Variants in SEMA3A observed in about 807,000 individuals in gnomAD.
SEMA3A encodes the protein semaphorin 3A.
In SEMA3A, 29 loss-of-function variants were observed where a neutral mutation model predicts 97.9. The observed-to-expected ratio is 0.30, with a 90% CI of 0.22 to 0.40. SEMA3A has a LOEUF of 0.40. Among genes scored for constraint, SEMA3A ranks in the 10% least tolerant of loss-of-function variants. The pLI is 1.00. For synonymous variants in SEMA3A, 321 were observed against 323.7 expected, an observed-to-expected ratio of 0.99 and a Z score of 0.09; for missense variants, 763 against 951.3, an observed-to-expected ratio of 0.80 and a Z score of 2.60.
At chr7:84,249,358 C>CTGTCTATCA (rs1222407634) in intron 3 of SEMA3A, among the ~76,000 whole-genome samples, 52 of 133,230 alleles carry the variant, frequency 3.9e-4, no homozygotes, top group African/African-American at 1.3e-3. Flanking sequence ...CTCTCTCTCT[C>CTGTCTATCA]TCTGTCTATC....
chr7:84,376,850 TTATGTATGTATG>T (rs144265483), intron 1 of SEMA3A, among the ~76,000 whole-genome samples: 4 of 151,270 alleles, frequency 2.6e-5, no homozygotes, highest in East Asian at 1.9e-4. Flanking sequence ...AGATTTATTT[TTATGTATGTATG>T]TATGTATGTA....
At chr7:84,409,332 T>G (rs1804197834) in intron 1 of SEMA3A, among the ~76,000 whole-genome samples, 1 of 151,842 alleles carries the variant, frequency 6.6e-6, no homozygotes, top group South Asian at 2.1e-4. Context: ...ATGAATCAAT[T>G]TTTTAAAATA....
chr7:84,473,141 G>GCTGTGTGTGTGT (rs138607418), intron 1 of SEMA3A, among the ~76,000 whole-genome samples: 1 of 141,444 alleles, frequency 7.1e-6, no homozygotes, highest in East Asian at 2.1e-4. Flanking sequence ...AAAAAGAAAT[G>GCTGTGTGTGTGT]GTGTGTGTGT....
chr7:84,401,145 T>G (rs187311588), intron 1 of SEMA3A, among the ~76,000 whole-genome samples: 1 of 152,158 alleles, frequency 6.6e-6, no homozygotes, highest in Non-Finnish European at 1.5e-5. Context: ...AAGACTGTTA[T>G]GGCTGATAAA....
chr7:84,180,971 G>T (rs1016621719), intron 1 of SEMA3A, among the ~76,000 whole-genome samples: 1 of 151,902 alleles, frequency 6.6e-6, no homozygotes, highest in South Asian at 2.1e-4. Flanking sequence ...ATTAAAATAA[G>T]CAAAATTTTA....
intron 11 of SEMA3A, among the ~76,000 whole-genome samples, chr7:84,002,893 T>A (rs1377977518): frequency 6.6e-6 from 1 of 152,160 alleles, no homozygotes; most frequent in African/African-American, 2.4e-5. Context: ...TTACTCTAAG[T>A]TGGGCTTAAA....
intron 4 of SEMA3A, among the ~76,000 whole-genome samples, chr7:84,107,896 G>A (rs1222609544): frequency 2.6e-5 from 4 of 152,014 alleles, no homozygotes; most frequent in African/African-American, 9.7e-5. Flanking sequence ...AGAATCACCC[G>A]GCAGCCATGA....
At chr7:84,468,301 C>A (rs368165411) in intron 1 of SEMA3A, among the ~76,000 whole-genome samples, 17 of 152,276 alleles carry the variant, frequency 1.1e-4, no homozygotes, top group East Asian at 9.7e-4. Flanking sequence ...CCCCATCTTC[C>A]TAAGACCTAG....
chr7:84,029,408 G>A (rs1403830820), intron 6 of SEMA3A, among the ~76,000 whole-genome samples: 1 of 152,088 alleles, frequency 6.6e-6, no homozygotes, highest in Non-Finnish European at 1.5e-5. Context: ...TAATGATTTA[G>A]AGATTTGTAT....
At chr7:84,356,965 T>TA (rs1268718330) in intron 2 of SEMA3A, among the ~76,000 whole-genome samples, 8 of 151,400 alleles carry the variant, frequency 5.3e-5, no homozygotes, top group East Asian at 1.9e-4. Flanking sequence ...TGCTGCAAGT[T>TA]AAAAAAAAGT....
chr7:84,479,083 T>C (rs1284732023), intron 1 of SEMA3A, among the ~76,000 whole-genome samples: 1 of 152,164 alleles, frequency 6.6e-6, no homozygotes. Context: ...CAAGTGTTCT[T>C]TTTCAAAATA....
At chr7:84,312,919 T>TACAC (rs1169125442) in intron 2 of SEMA3A, among the ~76,000 whole-genome samples, 23 of 31,066 alleles carry the variant, frequency 7.4e-4, no homozygotes, top group African/African-American at 9.3e-4. Flanking sequence ...TATATATATA[T>TACAC]ATACACACAC....
chr7:84,102,020 T>G (rs1794972418), intron 4 of SEMA3A, among the ~76,000 whole-genome samples: 1 of 152,128 alleles, frequency 6.6e-6, no homozygotes, highest in Admixed American at 6.5e-5. Context: ...TTTATTCCTT[T>G]TAATATAGCT....
chr7:84,053,811 T>C lies in SEMA3A; in HGVS notation c.547+6654A>G, dbSNP rs1161161067. Reference sequence around the variant, plus strand: ...TGATGGAGTTTCTTCCTAGTCTCAATGGTCTTTACATTTTGGCATGATTTT... The same window carrying C: ...TGATGGAGTTTCTTCCTAGTCTCAACGGTCTTTACATTTTGGCATGATTTT... On this transcript the variant is annotated intron_variant, in intron 5 of 16. Coordinates refer to ENST00000265362, the MANE Select transcript of SEMA3A (RefSeq NM_006080.3). Among the ~76,000 whole-genome samples, 718 of 128,950 alleles carry C rather than the reference T, an allele frequency of 5.6e-3. 4 individuals carry two copies. Among genetic ancestry groups the C allele is most frequent in the Non-Finnish European group, 9.0e-3 (515 of 57,364 alleles). The allele number at this position is 128,950 out of a possible 152,430, so 84.6% of individuals were successfully genotyped here. A position where few individuals can be genotyped will look rare whatever the true frequency, so the allele number is the denominator to read the frequency against.
At chr7:83,982,984 A>C (rs1403768111) in intron 13 of SEMA3A, among the ~76,000 whole-genome samples, 1 of 152,044 alleles carries the variant, frequency 6.6e-6, no homozygotes. Context: ...GGAAACATTT[A>C]TCTTCATTAA....
intron 12 of SEMA3A, among the ~76,000 whole-genome samples, chr7:84,001,682 A>ATAATATAAAATG (rs1273490902): frequency 1.3e-5 from 2 of 152,090 alleles, no homozygotes; most frequent in Non-Finnish European, 2.9e-5. Context: ...GGTAACTTAA[A>ATAATATAAAATG]TAATATAAAA....
intron 3 of SEMA3A, among the ~76,000 whole-genome samples, chr7:84,231,057 T>C (rs1371142234): frequency 6.6e-6 from 1 of 151,916 alleles, no homozygotes; most frequent in Non-Finnish European, 1.5e-5. Context: ...TTGTTATACT[T>C]CAAAAAATTT....
intron 3 of SEMA3A, among the ~76,000 whole-genome samples, chr7:84,212,153 T>A (rs1483406512): frequency 6.6e-6 from 1 of 152,116 alleles, no homozygotes; most frequent in East Asian, 1.9e-4. Context: ...TTGCAGTTGG[T>A]TTGGGAGACC....
At position 84,194,487 on chromosome 7, in the gene SEMA3A, A is replaced by G. The variant is rs1271698018; in HGVS notation, c.100T>C (p.Leu34=). The G allele has an allele frequency of 3.1e-6, 5 of 1,604,512 alleles. No individual in the cohort carries two copies. The highest frequency in any genetic ancestry group is 4.3e-6 in the Non-Finnish European group (5 of 1,171,360). Reference sequence around the variant, plus strand: ...AAATAAGATTTACCTTTGTAGGATAATTTCAGCCTTGGCACATTGTTCTTC... The same window carrying G: ...AAATAAGATTTACCTTTGTAGGATAGTTTCAGCCTTGGCACATTGTTCTTC... ...NGKNNVPRLK[L]SYKEMLESNN... The change falls in exon 1 of 17, where the codon TTA becomes CTA. Residue 34 remains leucine (L), a synonymous_variant. Transcript: ENST00000265362.
Sources: allele counts gnomAD v4.1 joint callset (sites outside exome capture counted in the v4.1 genomes callset), GRCh38; gene constraint gnomAD v4.1.1; transcripts MANE v1.5; gene names NCBI Gene and HGNC (gene_info 2026-07-23, HGNC 2026-07-21).